Variants in COL24A1 observed in about 807,000 individuals in gnomAD.
The protein encoded by COL24A1 is collagen type XXIV alpha 1 chain.
Under a neutral mutation model 253.9 loss-of-function variants are expected in COL24A1, and 224 were observed. That is an observed-to-expected ratio of 0.88 (90% confidence interval 0.79 to 0.99). COL24A1 has a LOEUF of 0.99. COL24A1 is among the 50% of genes least tolerant of loss of function. COL24A1 has a pLI of 0.00. For missense variants in COL24A1, 2,131 were observed against 2,068.5 expected (o/e 1.03, Z -0.59); for synonymous variants, 685 against 673.7 (o/e 1.02, Z -0.26).
intron 1 of COL24A1, among the ~76,000 whole-genome samples, chr1:86,152,831 T>A (rs1652958876): frequency 6.6e-6 from 1 of 152,196 alleles, no homozygotes; most frequent in African/African-American, 2.4e-5. Flanking sequence ...AATCAGATAA[T>A]CTTCAGTCAA....
At chr1:85,961,340 T>A in intron 23 of COL24A1, 47 bp from the exon 24 acceptor site, 1 of 1,399,044 alleles carries the variant, frequency 7.1e-7, no homozygotes, top group Non-Finnish European at 1.0e-6. Context: ...TTTTTCAAAC[T>A]AGATTATTCA....
At chr1:86,049,252 C>A (rs1404834349) in intron 11 of COL24A1, among the ~76,000 whole-genome samples, 1 of 152,216 alleles carries the variant, frequency 6.6e-6, no homozygotes, top group Non-Finnish European at 1.5e-5. Context: ...CATATTTAAA[C>A]TCTTTGATTA....
At chr1:86,020,061 CTTTTTT>C (rs10582249) in intron 18 of COL24A1, among the ~76,000 whole-genome samples, 27,792 of 103,642 alleles carry the variant, frequency 0.27, 3,357 homozygotes, top group Middle Eastern at 0.48. Context: ...TTCATTCTTT[CTTTTTT>C]TTTTTTTTTT....
intron 2 of COL24A1, among the ~76,000 whole-genome samples, chr1:86,137,331 C>A (rs536511971): frequency 3.1e-4 from 47 of 152,176 alleles, no homozygotes; most frequent in Middle Eastern, 3.4e-3. Flanking sequence ...TTCCATGTAC[C>A]AAGCACTATT....
At chr1:85,849,474 T>TCCA in intron 37 of COL24A1, 68 bp from the exon 38 acceptor site, 1 of 1,130,460 alleles carries the variant, frequency 8.8e-7, no homozygotes. Context: ...ATTTGAATAC[T>TCCA]TCTATCAGAT....
At chr1:86,126,237 G>A (rs370780114) in intron 2 of COL24A1, 23 bp from the exon 3 acceptor site, 1 of 1,548,022 alleles carries the variant, frequency 6.5e-7, no homozygotes, top group South Asian at 1.2e-5. Flanking sequence ...AAAAGAGAGA[G>A]AGAAAGAATC....
intron 37 of COL24A1, among the ~76,000 whole-genome samples, chr1:85,852,427 A>C (rs1224063469): frequency 6.6e-6 from 1 of 152,234 alleles, no homozygotes; most frequent in East Asian, 1.9e-4. Context: ...TGCACAACTT[A>C]TTCTTTAAAG....
chr1:85,764,455 T>TACACACAC (rs71075861), intron 53 of COL24A1, among the ~76,000 whole-genome samples: 47 of 137,340 alleles, frequency 3.4e-4, no homozygotes, highest in Admixed American at 6.7e-4. Flanking sequence ...AGGTGGAGGA[T>TACACACAC]ACACACACAC....
rs773551096 is a variant in COL24A1, at chr1:86,059,133, G to A, written c.1794C>T (p.Tyr598=). The change falls in exon 9 of 60, where the codon TAC becomes TAT. Residue 598 remains tyrosine, a synonymous_variant. Transcript: ENST00000370571. ...ATAGTTACTGCACCTGCCTGCCAGG[G>A]TAACCGGGTGAACCAATATTACCAG... is the stretch of plus-strand genomic sequence containing the variant. ...GFAGNIGSPG[Y]PGRQGLAGPE... is the part of the protein sequence containing the mutation. 23 of 1,610,470 alleles carry A rather than the reference G, an allele frequency of 1.4e-5. No homozygotes were observed. The highest frequency in any genetic ancestry group is 1.9e-5 in the Non-Finnish European group (22 of 1,178,004).
rs766119563 is a variant in COL24A1, at chr1:86,125,548, T to C, written c.788A>G (p.Lys263Arg). Residue 263 changes from lysine to arginine, a missense_variant, in exon 3 of 60, where the codon AAG becomes AGG. Transcript: ENST00000370571. ...GGGCGGGGGAGAGTGTTCCGGTATC[T>C]TTGTTGGTATGAGAGTTGTACAAGG... ...SIPCTTLIPT[K>R]IPEHSPPPKL... 1 of 1,613,654 alleles carries C rather than the reference T, an allele frequency of 6.2e-7. No individual in the cohort carries two copies. The highest frequency in any genetic ancestry group is 1.1e-5 in the South Asian group (1 of 91,074).
Position 86,149,046 on chromosome 1 carries a change from C to T in COL24A1, c.57-2863G>A, listed in dbSNP as rs569964307. The stretch of plus-strand genomic sequence containing the variant: ...GACTTTTTAATGATTGCCATTCTAA[C>T]TGCACACCCGGCTAATTTTTGTATT... On this transcript the variant is annotated intron_variant, in intron 1 of 59. Coordinates refer to ENST00000370571, the MANE Select transcript of COL24A1 (RefSeq NM_152890.7). 2.6e-5 allele frequency among the ~76,000 whole-genome samples: 4 copies of T among 152,320 alleles called. No homozygotes were observed. In the South Asian group the frequency reaches 6.2e-4, roughly 24 times the overall value.
chr1:86,119,509 A>G (rs1706503095), intron 3 of COL24A1, among the ~76,000 whole-genome samples: 1 of 152,184 alleles, frequency 6.6e-6, no homozygotes, highest in African/African-American at 2.4e-5. Context: ...GAGAGGGGAC[A>G]AAAGACAAGA....
chr1:85,999,999 C>T (rs1055593016), intron 19 of COL24A1, among the ~76,000 whole-genome samples: 1 of 152,170 alleles, frequency 6.6e-6, no homozygotes, highest in Non-Finnish European at 1.5e-5. Flanking sequence ...TGTGCCAACA[C>T]ACAAAAAAAC....
intron 22 of COL24A1, among the ~76,000 whole-genome samples, chr1:85,965,892 G>C (rs376533602): frequency 6.6e-6 from 1 of 152,160 alleles, no homozygotes; most frequent in African/African-American, 2.4e-5. Flanking sequence ...GGAAATGGGG[G>C]ATGAGAAGTC....
intron 47 of COL24A1, among the ~76,000 whole-genome samples, chr1:85,812,867 AC>A (rs1351334405): frequency 6.6e-6 from 1 of 152,176 alleles, no homozygotes; most frequent in African/African-American, 2.4e-5. Flanking sequence ...TCTGGCTACC[AC>A]CCCTGGTGAC....
rs778418821 is a variant in COL24A1, at chr1:86,125,476, C to A, written c.860G>T (p.Gly287Val). Reference sequence around the variant, plus strand: ...TTTTATGATATTTGGAATGCTTTTGCCTTCAGTAAATGTATCCTCTGACAG... The same window carrying A: ...TTTTATGATATTTGGAATGCTTTTGACTTCAGTAAATGTATCCTCTGACAG... The part of the protein sequence containing the change: ...KVLSEDTFTE[G>V]KSIPNIIKND... The change falls in exon 3 of 60, where the codon GGC becomes GTC. Residue 287 changes from glycine to valine, a missense_variant. Transcript: ENST00000370571. 3.7e-6 allele frequency: 6 copies of A among 1,613,532 alleles called. No homozygotes were observed. The highest frequency in any genetic ancestry group is 2.2e-5 in the East Asian group (1 of 44,842).
intron 2 of COL24A1, among the ~76,000 whole-genome samples, chr1:86,145,508 C>A (rs1179435425): frequency 6.6e-6 from 1 of 151,976 alleles, no homozygotes; most frequent in Non-Finnish European, 1.5e-5. Flanking sequence ...CATTTCCAAT[C>A]ATTGGCAATA....
At chr1:86,058,647 T>A (rs56040491) in intron 9 of COL24A1, among the ~76,000 whole-genome samples, 15,715 of 151,830 alleles carry the variant, frequency 0.1, 882 homozygotes, top group Middle Eastern at 0.15. Flanking sequence ...GGGAATACAT[T>A]TAAAATGATT....
At chr1:85,909,240 A>C (rs1175883052) in intron 26 of COL24A1, among the ~76,000 whole-genome samples, 1 of 151,808 alleles carries the variant, frequency 6.6e-6, no homozygotes, top group Non-Finnish European at 1.5e-5. Context: ...AGCTTAAAAA[A>C]CAAAACAAAA....
Sources: gnomAD v4.1 joint callset for allele counts (sites outside exome capture counted in the v4.1 genomes callset) on GRCh38, gnomAD v4.1.1 for gene constraint, MANE v1.5 for transcripts, NCBI Gene and HGNC (gene_info 2026-07-23, HGNC 2026-07-21) for gene names.